The following CA10 variants were observed in gnomAD, a reference collection of about 807,000 sequenced individuals.
CA10 encodes carbonic anhydrase 10 (inactive), also known as carbonic anhydrase-related protein 10.
CA10 carries 14 observed loss-of-function variants against 44.2 expected under a neutral mutation model. That is an observed-to-expected ratio of 0.32 (90% CI 0.21 to 0.50). CA10 has a LOEUF of 0.50. Among genes scored for constraint, CA10 ranks in the 20% least tolerant of loss-of-function variants. CA10 has a pLI of 0.99. For missense variants in CA10, 350 were observed against 409.7 expected (o/e 0.85, Z 1.26); for synonymous variants, 159 against 141.6 (o/e 1.12, Z -0.87).
At chr17:52,132,179 TAAAA>T (rs1204836590) in intron 1 of CA10, among the ~76,000 whole-genome samples, 1 of 151,664 alleles carries the variant, frequency 6.6e-6, no homozygotes, top group African/African-American at 2.4e-5. Flanking sequence ...ATAATAATAA[TAAAA>T]AAAGAAATAC....
intron 2 of CA10, among the ~76,000 whole-genome samples, chr17:51,994,212 T>C (rs984221566): frequency 2.0e-5 from 3 of 151,856 alleles, no homozygotes; most frequent in Admixed American, 6.6e-5. Context: ...CCATGGTCCA[T>C]TGAGGTACAA....
At chr17:51,843,696 T>C (rs977650074) in intron 3 of CA10, among the ~76,000 whole-genome samples, 4 of 152,210 alleles carry the variant, frequency 2.6e-5, no homozygotes, top group African/African-American at 9.7e-5. Context: ...GTAATTCTAA[T>C]ATTATTACTT....
chr17:52,095,392 G>T (rs1391779835), intron 1 of CA10, among the ~76,000 whole-genome samples: 2 of 151,972 alleles, frequency 1.3e-5, no homozygotes, highest in African/African-American at 2.4e-5. Flanking sequence ...TATTTTGATT[G>T]GTGTGATAGT....
chr17:51,759,157 T>C (rs1000183712), intron 3 of CA10, among the ~76,000 whole-genome samples: 18 of 152,256 alleles, frequency 1.2e-4, no homozygotes, highest in African/African-American at 4.3e-4. Flanking sequence ...GGATCAATTT[T>C]TTTTTCTTAC....
intron 3 of CA10, among the ~76,000 whole-genome samples, chr17:51,755,858 C>T (rs1010860626): frequency 3.3e-5 from 5 of 152,198 alleles, no homozygotes; most frequent in Admixed American, 1.3e-4. Flanking sequence ...ATGCTCTTCC[C>T]AGGGTCTCAA....
At chr17:51,849,504 G>A (rs1215321755) in intron 3 of CA10, among the ~76,000 whole-genome samples, 1 of 151,762 alleles carries the variant, frequency 6.6e-6, no homozygotes, top group African/African-American at 2.4e-5. Context: ...TCTGTGATCA[G>A]TAGATCTGAA....
Position 51,649,964 on chromosome 17 carries a change from T to C in CA10, c.562-710A>G, listed in dbSNP as rs574148466. Among the ~76,000 whole-genome samples, 287 of 126,338 alleles carry C rather than the reference T, an allele frequency of 2.3e-3. 1 individual carries two copies. The highest frequency in any genetic ancestry group is 3.8e-3 in the Non-Finnish European group (220 of 58,282). 82.9% of individuals were successfully genotyped at this position (126,338 alleles called of 152,430 possible). On this transcript the variant is annotated intron_variant, in intron 5 of 8. Transcript: ENST00000451037. ...GCCATGTAATTCAATCAACCAACCA[T>C]CCATCCATCCAGCCAGCCAGTCAGC...
At chr17:51,784,507 C>G (rs1228747950) in intron 3 of CA10, among the ~76,000 whole-genome samples, 1 of 152,220 alleles carries the variant, frequency 6.6e-6, no homozygotes, top group Non-Finnish European at 1.5e-5. Flanking sequence ...CTCTGTTTAT[C>G]TCTGTCTTCC....
chr17:52,123,371 G>GGTGTGTGT (rs34184028), intron 1 of CA10, among the ~76,000 whole-genome samples: 2,089 of 146,310 alleles, frequency 0.014, 44 homozygotes, highest in African/African-American at 0.047. Context: ...ATATATATGG[G>GGTGTGTGT]GTGTGTGTGT....
At chr17:51,973,015 T>C (rs1054324210) in intron 2 of CA10, among the ~76,000 whole-genome samples, 11 of 152,168 alleles carry the variant, frequency 7.2e-5, no homozygotes, top group African/African-American at 2.7e-4. Context: ...TACTAGCCAA[T>C]TGATGAGGCA....
At chr17:51,671,401 T>TTTTGTA (rs5820871) in intron 4 of CA10, among the ~76,000 whole-genome samples, 93,649 of 150,908 alleles carry the variant, frequency 0.62, 29,295 homozygotes, top group Middle Eastern at 0.67. Flanking sequence ...GGGTCATTTT[T>TTTTGTA]TTTGTTTTTG....
intron 1 of CA10, among the ~76,000 whole-genome samples, chr17:52,119,026 A>G (rs1462931260): frequency 6.6e-6 from 1 of 152,226 alleles, no homozygotes; most frequent in Non-Finnish European, 1.5e-5. Flanking sequence ...CTGAACTAAT[A>G]GAAAACTGAA....
chr17:51,686,340 A>G lies in CA10; in HGVS notation c.466-32604T>C, dbSNP rs955894911. Among the ~76,000 whole-genome samples, 4 of 152,150 alleles carry G rather than the reference A, an allele frequency of 2.6e-5. No homozygotes were observed. In the South Asian group the frequency reaches 6.2e-4, roughly 24 times the overall value. ...ATCTTTATTAGCAGCATAAGAACAG[A>G]CTAATACAGGTGCCCTAGGACTTGG... On this transcript the variant is annotated intron_variant, in intron 4 of 8. Coordinates refer to ENST00000451037, the MANE Select transcript of CA10 (RefSeq NM_020178.5).
At chr17:52,086,250 A>T (rs1428864970) in intron 1 of CA10, among the ~76,000 whole-genome samples, 1 of 152,176 alleles carries the variant, frequency 6.6e-6, no homozygotes, top group African/African-American at 2.4e-5. Context: ...GGCAAACTCT[A>T]AAATCTCAAT....
At chr17:52,149,407 A>AAT (rs1989656489) in intron 1 of CA10, among the ~76,000 whole-genome samples, 3 of 152,212 alleles carry the variant, frequency 2.0e-5, no homozygotes, top group Non-Finnish European at 2.9e-5. Flanking sequence ...CTGATGGCCC[A>AAT]GTAATGCAAA....
chr17:51,818,666 T>G (rs757683369), intron 3 of CA10, among the ~76,000 whole-genome samples: 1 of 152,192 alleles, frequency 6.6e-6, no homozygotes, highest in Non-Finnish European at 1.5e-5. Flanking sequence ...ACCTAATGTG[T>G]TCCTTTTCTT....
intron 3 of CA10, among the ~76,000 whole-genome samples, chr17:51,749,756 G>T (rs1398956510): frequency 6.6e-6 from 1 of 152,218 alleles, no homozygotes; most frequent in Non-Finnish European, 1.5e-5. Flanking sequence ...GAGAAAGTCA[G>T]ATCAGAGAGA....
At chr17:51,846,309 C>T (rs1978490387) in intron 3 of CA10, among the ~76,000 whole-genome samples, 1 of 152,234 alleles carries the variant, frequency 6.6e-6, no homozygotes, top group Non-Finnish European at 1.5e-5. Context: ...AGAAGCAAAT[C>T]CATTTATACA....
chr17:52,138,760 C>A (rs1989413949), intron 1 of CA10, among the ~76,000 whole-genome samples: 2 of 152,110 alleles, frequency 1.3e-5, no homozygotes, highest in African/African-American at 4.8e-5. Flanking sequence ...CCATAATATA[C>A]CCTTGTAAGT....
Sources: allele counts gnomAD v4.1 joint callset (sites outside exome capture counted in the v4.1 genomes callset), GRCh38; gene constraint gnomAD v4.1.1; transcripts MANE v1.5; gene names NCBI Gene and HGNC (gene_info 2026-07-23, HGNC 2026-07-21).